Variants in PTPRZ1 observed in about 807,000 individuals in gnomAD.
The protein encoded by PTPRZ1 is receptor-type tyrosine-protein phosphatase zeta.
PTPRZ1 carries 82 observed loss-of-function variants against 214.1 expected under a neutral mutation model. That is an observed-to-expected ratio of 0.38 (90% CI 0.32 to 0.46). PTPRZ1 has a LOEUF of 0.46. Among genes scored for constraint, PTPRZ1 ranks in the 20% least tolerant of loss-of-function variants. The pLI is 1.00. For missense variants in PTPRZ1, 2,603 were observed against 2,748.7 expected, an observed-to-expected ratio of 0.95 and a Z score of 1.19; for synonymous variants, 945 against 987.9, an observed-to-expected ratio of 0.96 and a Z score of 0.81.
At chr7:121,961,135 G>T (rs549162776) in intron 2 of PTPRZ1, among the ~76,000 whole-genome samples, 15 of 152,256 alleles carry the variant, frequency 9.9e-5, no homozygotes, top group South Asian at 2.1e-4. Context: ...TGGTCATTAC[G>T]CAGCCTCTCC....
intron 1 of PTPRZ1, among the ~76,000 whole-genome samples, chr7:121,923,334 G>T (rs1795656529): frequency 6.6e-6 from 1 of 152,124 alleles, no homozygotes; most frequent in Non-Finnish European, 1.5e-5. Flanking sequence ...TAAAGGACGT[G>T]AAATATGCAA....
rs920877775 is a variant in PTPRZ1 at position 122,011,774 on chromosome 7, C to T, written c.2728C>T (p.Pro910Ser). The T allele has an allele frequency of 6.2e-7, 1 of 1,613,976 alleles. No individual in the cohort carries two copies. Among genetic ancestry groups the T allele is most frequent in the Non-Finnish European group, 8.5e-7 (1 of 1,179,962 alleles). The stretch of plus-strand genomic sequence containing the variant: ...AACGCTTATGTTTTCTCAAGTTGAA[C>T]CACCCAGCAGTGATGCCATGATGCA... ...YKTLMFSQVE[P>S]PSSDAMMHAR... Residue 910 changes from proline to serine, a missense_variant, in exon 12 of 30, where the codon CCA (proline) becomes TCA (serine). Physicochemically the swap from Pro to Ser is moderately conservative, Grantham distance 74. Around this residue, in one of 6 missense-constraint regions of PTPRZ1, gnomAD observed 1,913 missense variants for 1,914.3 expected, o/e 1.00. Coordinates refer to ENST00000393386, the MANE Select transcript of PTPRZ1 (RefSeq NM_002851.3).
At chr7:121,915,152 T>C (rs1234781850) in intron 1 of PTPRZ1, among the ~76,000 whole-genome samples, 1 of 152,142 alleles carries the variant, frequency 6.6e-6, no homozygotes, top group Non-Finnish European at 1.5e-5. Flanking sequence ...AGGCTGATGG[T>C]ATTATCATGA....
intron 1 of PTPRZ1, among the ~76,000 whole-genome samples, chr7:121,914,080 G>A (rs1584632337): frequency 1.3e-5 from 2 of 152,164 alleles, no homozygotes; most frequent in East Asian, 1.9e-4. Context: ...TTTGGAGGCC[G>A]AGGCGAGCAG....
At chr7:121,899,245 A>C (rs1794889999) in intron 1 of PTPRZ1, among the ~76,000 whole-genome samples, 1 of 152,104 alleles carries the variant, frequency 6.6e-6, no homozygotes, top group East Asian at 1.9e-4. Flanking sequence ...ATTAAAGCTT[A>C]TTACCCAGTT....
intron 1 of PTPRZ1, among the ~76,000 whole-genome samples, chr7:121,925,454 A>G (rs1795726384): frequency 6.6e-6 from 1 of 152,246 alleles, no homozygotes; most frequent in Non-Finnish European, 1.5e-5. Context: ...AAAATTAGAA[A>G]CAACACAAGT....
chr7:122,061,189 A>G lies in PTPRZ1; in HGVS notation c.6917A>G (p.Asn2306Ser). ...DSNGAALPDG[N>S]IAESLESLV ...AATGGTGCAGCATTGCCTGATGGAA[A>G]TATAGCTGAGAGCTTAGAGTCTTTA... Residue 2306 changes from asparagine (N) to serine (S), a missense_variant, in exon 30 of 30, where the codon AAT becomes AGT. Around this residue, in one of 6 missense-constraint regions of PTPRZ1, gnomAD observed 165 missense variants for 151.4 expected, o/e 1.09. Transcript: ENST00000393386. The G allele has an allele frequency of 6.2e-7, 1 of 1,607,458 alleles. No homozygotes were observed. Among genetic ancestry groups the G allele is most frequent in the Non-Finnish European group, 8.5e-7 (1 of 1,175,996 alleles).
intron 12 of PTPRZ1, among the ~76,000 whole-genome samples, chr7:122,015,546 T>C (rs1798818674): frequency 6.6e-6 from 1 of 152,114 alleles, no homozygotes; most frequent in Admixed American, 6.5e-5. Flanking sequence ...TAGTCATTAG[T>C]GCTGTCATAT....
intron 2 of PTPRZ1, among the ~76,000 whole-genome samples, chr7:121,940,120 C>T (rs1243092845): frequency 6.6e-6 from 1 of 152,128 alleles, no homozygotes; most frequent in Admixed American, 6.6e-5. Context: ...AATTAATTCC[C>T]ATACACTTAC....
At chr7:121,970,572 A>G (rs1299648572) in intron 3 of PTPRZ1, among the ~76,000 whole-genome samples, 2 of 151,996 alleles carry the variant, frequency 1.3e-5, no homozygotes, top group African/African-American at 4.8e-5. Flanking sequence ...GCATTTTTTC[A>G]TGTGTCTGTT....
rs564845045 is a variant in PTPRZ1, at chr7:121,892,308, T to A, written c.58+18751T>A. Among the ~76,000 whole-genome samples the A allele has an allele frequency of 6.6e-5, 10 of 152,260 alleles. No individual in the cohort carries two copies. In the South Asian group the frequency reaches 1.9e-3, roughly 28 times the overall value. On this transcript the variant is annotated intron_variant, in intron 1 of 29. Coordinates refer to ENST00000393386, the MANE Select transcript of PTPRZ1 (RefSeq NM_002851.3). ...ACAAAACATATGGTCCCTGCTTTTT[T>A]ATGTTATGGCATTTAGTGTTACTGA...
chr7:121,919,678 C>T (rs1220230465), intron 1 of PTPRZ1, among the ~76,000 whole-genome samples: 1 of 151,908 alleles, frequency 6.6e-6, no homozygotes, highest in Admixed American at 6.6e-5. Flanking sequence ...ATTTTTTTCA[C>T]AAATAGTGTT....
At chr7:121,986,370 T>C (rs1184824200) in intron 8 of PTPRZ1, among the ~76,000 whole-genome samples, 1 of 152,190 alleles carries the variant, frequency 6.6e-6, no homozygotes, top group Admixed American at 6.5e-5. Flanking sequence ...TCCACTGTAC[T>C]TGACATTTAT....
At position 121,967,806 on chromosome 7, in the gene PTPRZ1, T is replaced by C. The variant is rs1797088352; in HGVS notation, c.125-145T>C. On this transcript the variant is annotated intron_variant, in intron 2 of 29. Coordinates refer to ENST00000393386, the MANE Select transcript of PTPRZ1 (RefSeq NM_002851.3). ...GAAATCCAGAATCTAAATACAGGCA[T>C]AATTATTTCATGCATTAGTTCAAAG... 6.9e-6 allele frequency: 4 copies of C among 583,660 alleles called. No individual in the cohort carries two copies. In the South Asian group the frequency reaches 9.3e-5, roughly 14 times the overall value. The allele number at this position is 583,660 out of a possible 1,614,324, so 36.2% of individuals were successfully genotyped here. A position where few individuals can be genotyped will look rare whatever the true frequency, so the allele number is the denominator to read the frequency against.
intron 1 of PTPRZ1, among the ~76,000 whole-genome samples, chr7:121,922,219 G>A (rs962214354): frequency 2.0e-5 from 3 of 152,166 alleles, no homozygotes; most frequent in Non-Finnish European, 4.4e-5. Flanking sequence ...AAGATACAAA[G>A]TATTTAATAA....
At chr7:121,990,683 CT>C (rs779494583) in intron 8 of PTPRZ1, among the ~76,000 whole-genome samples, 28 of 152,000 alleles carry the variant, frequency 1.8e-4, no homozygotes, top group Non-Finnish European at 1.8e-4. Context: ...CCACGCCCGA[CT>C]AATTTTTGTA....
chr7:122,020,142 T>C (rs1039663673), intron 13 of PTPRZ1, among the ~76,000 whole-genome samples: 1 of 152,206 alleles, frequency 6.6e-6, no homozygotes, highest in African/African-American at 2.4e-5. Context: ...GCACTCTTTA[T>C]GTGTTCTCTC....
At chr7:122,013,923 T>C (rs745703317) in intron 12 of PTPRZ1, 34 bp downstream of exon 12, 49 of 1,496,580 alleles carry the variant, frequency 3.3e-5, no homozygotes, top group Non-Finnish European at 4.2e-5. Context: ...GATTGAGGTG[T>C]GGTGGTTTGC....
chr7:121,919,668 A>AT (rs1045638066), intron 1 of PTPRZ1, among the ~76,000 whole-genome samples: 1 of 152,040 alleles, frequency 6.6e-6, no homozygotes, highest in South Asian at 2.1e-4. Context: ...GTACAATTTA[A>AT]TTTTTTTCAC....
Sources: allele counts gnomAD v4.1 joint callset (sites outside exome capture counted in the v4.1 genomes callset), GRCh38; gene constraint gnomAD v4.1.1; regional missense constraint gnomAD v4.1.1; transcripts MANE v1.5; gene names NCBI Gene and HGNC (gene_info 2026-07-23, HGNC 2026-07-21).